Variants in TLN2 observed in about 807,000 individuals in gnomAD.
TLN2 encodes talin 2.
In TLN2, 118 loss-of-function variants were observed where a neutral mutation model predicts 294.7. That is an observed-to-expected ratio of 0.40 (90% CI 0.34 to 0.47). The LOEUF is 0.47. Among genes scored for constraint, TLN2 ranks in the 20% least tolerant of loss-of-function variants. The probability of loss-of-function intolerance (pLI) is 0.84; values close to 1 mark genes in which losing one functional copy is unlikely to be tolerated. For synonymous variants in TLN2, 1,431 were observed against 1,304.5 expected (o/e 1.10, Z -2.09); for missense variants, 3,083 against 3,282.2 (o/e 0.94, Z 1.48).
chr15:62,743,564 G>A (rs770649041), intron 32 of TLN2, among the ~76,000 whole-genome samples: 10 of 152,224 alleles, frequency 6.6e-5, no homozygotes, highest in East Asian at 5.8e-4. Flanking sequence ...TTTTCTTCCC[G>A]TGTAACTGTT....
At chr15:62,759,699 T>A (rs936968828) in intron 37 of TLN2, among the ~76,000 whole-genome samples, 2 of 152,218 alleles carry the variant, frequency 1.3e-5, no homozygotes, top group Non-Finnish European at 2.9e-5. Flanking sequence ...GAGCATCTCC[T>A]GTTAAGCTGG....
intron 44 of TLN2, among the ~76,000 whole-genome samples, chr15:62,781,712 A>T (rs1390150467): frequency 6.6e-6 from 1 of 152,234 alleles, no homozygotes; most frequent in African/African-American, 2.4e-5. Context: ...AGGTATTGCC[A>T]GTCTTTCAGG....
chr15:62,833,232 G>A, intron 54 of TLN2: 2 of 388,082 alleles, frequency 5.2e-6, no homozygotes, highest in South Asian at 8.7e-5. Flanking sequence ...GCTGTGCCTG[G>A]CCATTGTCTC....
intron 26 of TLN2, 81 bp downstream of exon 26, chr15:62,722,568 G>T: frequency 7.0e-7 from 1 of 1,433,888 alleles, no homozygotes. Context: ...CCTGAACACT[G>T]CTGAACCTAT....
At chr15:62,440,768 A>G (rs894124293) in intron 1 of TLN2, among the ~76,000 whole-genome samples, 1 of 152,220 alleles carries the variant, frequency 6.6e-6, no homozygotes, top group African/African-American at 2.4e-5. Context: ...ATGTGATACC[A>G]GTGTACATCT....
At position 62,761,727 on chromosome 15, in the gene TLN2, T is replaced by G. The variant is rs1318393161; in HGVS notation, c.4685T>G (p.Ile1562Ser). The G allele has an allele frequency of 6.2e-7, 1 of 1,614,148 alleles. No individual in the cohort carries two copies. The highest frequency in any genetic ancestry group is 1.1e-5 in the South Asian group (1 of 91,082). Reference sequence around the variant, plus strand: ...GAAGACAACCGCAATAAGTGTCGCATCGCCACCGCACCCTTGATTGAAGCT... The same window carrying G: ...GAAGACAACCGCAATAAGTGTCGCAGCGCCACCGCACCCTTGATTGAAGCT... ...FSEDNRNKCR[I>S]ATAPLIEAVE... The change falls in exon 38 of 59, where the codon ATC becomes AGC. Residue 1562 changes from isoleucine to serine, a missense_variant. Coordinates refer to ENST00000636159, the MANE Select transcript of TLN2 (RefSeq NM_015059.3).
At position 62,774,867 on chromosome 15, in the gene TLN2, A is replaced by G. The variant is rs1169720943; in HGVS notation, c.5368-1897A>G. ...TGCTTCTGAACCTTCCTGAGCCTGC[A>G]TGAGAGTACAGATCCTTGGCAAGCG... On this transcript the variant is annotated intron_variant, in intron 42 of 58. Coordinates refer to ENST00000636159, the MANE Select transcript of TLN2 (RefSeq NM_015059.3). Among the ~76,000 whole-genome samples, 3 of 151,844 alleles carry G rather than the reference A, an allele frequency of 2.0e-5. No individual in the cohort carries two copies. The East Asian group carries it at 5.8e-4, about 29-fold the overall frequency.
intron 1 of TLN2, among the ~76,000 whole-genome samples, chr15:62,462,894 C>G (rs1332549016): frequency 6.6e-6 from 1 of 152,170 alleles, no homozygotes; most frequent in Non-Finnish European, 1.5e-5. Context: ...TGGGGAAAAT[C>G]TCTCCTGACC....
chr15:62,702,670 C>A (rs923069178), intron 18 of TLN2, 96 bp from the exon 19 acceptor site: 3 of 1,258,530 alleles, frequency 2.4e-6, no homozygotes, highest in African/African-American at 1.5e-5. Flanking sequence ...ACAAAGGGAG[C>A]AAATTCTGTG....
At chr15:62,597,352 C>T (rs561517695) in intron 2 of TLN2, among the ~76,000 whole-genome samples, 53 of 152,296 alleles carry the variant, frequency 3.5e-4, no homozygotes, top group Admixed American at 5.2e-4. Flanking sequence ...CTGTTCCCAT[C>T]GGAACCTAGT....
chr15:62,400,919 C>T (rs912818772), intron 1 of TLN2, among the ~76,000 whole-genome samples: 15 of 150,616 alleles, frequency 1.0e-4, no homozygotes, highest in African/African-American at 2.9e-4. Context: ...GGGTTCAAGC[C>T]GTTGTCCTGC....
intron 1 of TLN2, among the ~76,000 whole-genome samples, chr15:62,398,086 A>T (rs1279291878): frequency 1.3e-5 from 2 of 152,112 alleles, no homozygotes; most frequent in Non-Finnish European, 2.9e-5. Context: ...ACCCATGCAG[A>T]ATCTCATCTT....
At chr15:62,796,083 C>G in intron 46 of TLN2, 44 bp from the exon 47 acceptor site, 2 of 1,601,340 alleles carry the variant, frequency 1.2e-6, no homozygotes, top group Non-Finnish European at 1.7e-6. Context: ...AGGTCCTGTT[C>G]TCTCCATTTC....
At chr15:62,620,771 C>G (rs2048732331) in intron 3 of TLN2, among the ~76,000 whole-genome samples, 1 of 150,132 alleles carries the variant, frequency 6.7e-6, no homozygotes, top group Admixed American at 6.6e-5. Context: ...TGTGAGCCAC[C>G]ACACCCAGCC....
intron 9 of TLN2, among the ~76,000 whole-genome samples, chr15:62,667,983 A>T (rs1336558040): frequency 6.6e-6 from 1 of 152,200 alleles, no homozygotes; most frequent in South Asian, 2.1e-4. Flanking sequence ...GATCTCACTT[A>T]TGTGGAACCT....
At chr15:62,591,310 G>T (rs2046058859) in intron 2 of TLN2, among the ~76,000 whole-genome samples, 1 of 152,162 alleles carries the variant, frequency 6.6e-6, no homozygotes, top group African/African-American at 2.4e-5. Flanking sequence ...CTGAGAACTG[G>T]TGTTTGGGAA....
At chr15:62,833,231 G>T in intron 54 of TLN2, 1 of 388,450 alleles carries the variant, frequency 2.6e-6, no homozygotes, top group Non-Finnish European at 4.7e-6. Flanking sequence ...TGCTGTGCCT[G>T]GCCATTGTCT....
At chr15:62,676,573 A>G (rs754690509) in intron 11 of TLN2, among the ~76,000 whole-genome samples, 1 of 152,056 alleles carries the variant, frequency 6.6e-6, no homozygotes, top group Non-Finnish European at 1.5e-5. Flanking sequence ...AGCTTATCTC[A>G]TTCAAAGCTA....
intron 9 of TLN2, among the ~76,000 whole-genome samples, chr15:62,663,689 G>C (rs185610180): frequency 6.6e-6 from 1 of 151,994 alleles, no homozygotes; most frequent in Non-Finnish European, 1.5e-5. Context: ...GTTACAAAAA[G>C]TATAATTTAC....
Sources: gnomAD v4.1 joint callset for allele counts (sites outside exome capture counted in the v4.1 genomes callset) on GRCh38, gnomAD v4.1.1 for gene constraint, MANE v1.5 for transcripts, NCBI Gene and HGNC (gene_info 2026-07-23, HGNC 2026-07-21) for gene names.